STIM2: variants seen among roughly 807,000 people sequenced by gnomAD.
STIM2 encodes the protein stromal interaction molecule 2.
STIM2 carries 31 observed loss-of-function variants against 85.8 expected under a neutral mutation model. The ratio of observed to expected loss-of-function variants is 0.36; its 90% CI spans 0.27 to 0.49. STIM2 has a LOEUF of 0.49. Among genes scored for constraint, STIM2 ranks in the 20% least tolerant of loss-of-function variants. The pLI, the probability that STIM2 is intolerant of heterozygous loss-of-function variation, is 0.98. For missense variants in STIM2, 841 were observed against 927.6 expected, an observed-to-expected ratio of 0.91 and a Z score of 1.21; for synonymous variants, 356 against 331.1, an observed-to-expected ratio of 1.08 and a Z score of -0.82.
chr4:26,942,291 A>G (rs1725638589), intron 2 of STIM2, among the ~76,000 whole-genome samples: 2 of 152,112 alleles, frequency 1.3e-5, no homozygotes, highest in South Asian at 4.1e-4. Context: ...ACTCTAAGGC[A>G]GTCCTTTTGC....
intron 1 of STIM2, among the ~76,000 whole-genome samples, chr4:26,862,238 C>G (rs946102704): frequency 6.6e-6 from 1 of 151,134 alleles, no homozygotes; most frequent in Non-Finnish European, 1.5e-5. Flanking sequence ...TACAACTGAT[C>G]AGTTGTGGTT....
At chr4:26,871,721 T>TTTA (rs1722623297) in intron 1 of STIM2, among the ~76,000 whole-genome samples, 1 of 151,322 alleles carries the variant, frequency 6.6e-6, no homozygotes, top group African/African-American at 2.4e-5. Flanking sequence ...TTTTTTTTTT[T>TTTA]TGGTAGAGAC....
intron 3 of STIM2, among the ~76,000 whole-genome samples, chr4:26,987,683 G>C (rs1727630121): frequency 6.6e-6 from 1 of 152,180 alleles, no homozygotes; most frequent in Admixed American, 6.5e-5. Context: ...ATGAAGAACT[G>C]ACGTAGCTCC....
At chr4:26,932,457 G>A (rs1560211310) in intron 2 of STIM2, among the ~76,000 whole-genome samples, 1 of 152,068 alleles carries the variant, frequency 6.6e-6, no homozygotes, top group Admixed American at 6.5e-5. Flanking sequence ...CGTTAGTACT[G>A]ACACTAAACT....
chr4:27,012,540 A>G (rs1301492449), intron 10 of STIM2, among the ~76,000 whole-genome samples: 2 of 152,032 alleles, frequency 1.3e-5, no homozygotes, highest in Non-Finnish European at 2.9e-5. Flanking sequence ...CTTGTTGCTG[A>G]TGAGGAAATG....
At chr4:26,902,808 T>C (rs1246177235) in intron 1 of STIM2, among the ~76,000 whole-genome samples, 1 of 152,164 alleles carries the variant, frequency 6.6e-6, no homozygotes, top group Non-Finnish European at 1.5e-5. Context: ...TATTGCAGAG[T>C]TCCAGTCTAC....
chr4:26,890,279 T>A (rs1230312570), intron 1 of STIM2, among the ~76,000 whole-genome samples: 1 of 152,144 alleles, frequency 6.6e-6, no homozygotes, highest in Non-Finnish European at 1.5e-5. Flanking sequence ...GGGAATGTGG[T>A]AGGAATGGGG....
At chr4:26,985,985 G>T (rs1007451611) in intron 3 of STIM2, among the ~76,000 whole-genome samples, 2 of 152,108 alleles carry the variant, frequency 1.3e-5, no homozygotes, top group Non-Finnish European at 2.9e-5. Context: ...GGTGAATTCG[G>T]CTGTATCTTG....
chr4:26,965,502 G>T (rs1373561861), intron 3 of STIM2, among the ~76,000 whole-genome samples: 2 of 152,006 alleles, frequency 1.3e-5, no homozygotes, highest in Non-Finnish European at 2.9e-5. Flanking sequence ...ATCCAAATGA[G>T]TTCAGAGCAC....
At chr4:26,981,860 C>G (rs568482626) in intron 3 of STIM2, among the ~76,000 whole-genome samples, 4 of 152,174 alleles carry the variant, frequency 2.6e-5, no homozygotes, top group African/African-American at 7.2e-5. Flanking sequence ...CACTTGGTAT[C>G]ATTTGCCTTA....
chr4:26,861,102 C>T lies in STIM2; in HGVS notation c.-117C>T. On this transcript the variant is annotated 5_prime_UTR_variant, in exon 1 of 12. Transcript: ENST00000467087. ...GGTGGCGCCTCGCGGAGCCGGCGAG[C>T]TGCAGGCGGCCGGGGCGCCGCTGCG... 8.3e-7 allele frequency: 1 copy of T among 1,199,830 alleles called. No individual in the cohort carries two copies. Among genetic ancestry groups the T allele is most frequent in the African/African-American group, 1.6e-5 (1 of 62,404 alleles). 74.3% of individuals were successfully genotyped at this position (1,199,830 alleles called of 1,614,324 possible). A position where few individuals can be genotyped will look rare whatever the true frequency, so the allele number is the denominator to read the frequency against.
intron 1 of STIM2, chr4:26,861,638 G>C (rs889820479): frequency 5.8e-6 from 2 of 343,086 alleles, no homozygotes; most frequent in Non-Finnish European, 1.0e-5. Flanking sequence ...TGAGCAATGC[G>C]GTGGTTTCTC....
intron 2 of STIM2, among the ~76,000 whole-genome samples, chr4:26,927,689 A>AG (rs2109071040): frequency 7.9e-6 from 1 of 127,088 alleles, no homozygotes; most frequent in Admixed American, 7.8e-5. Context: ...ATAAAAAAAA[A>AG]AAAAAAAAAA....
chr4:26,973,573 T>C (rs563601808), intron 3 of STIM2, among the ~76,000 whole-genome samples: 2 of 152,260 alleles, frequency 1.3e-5, no homozygotes, highest in East Asian at 1.9e-4. Context: ...TAATCCTGAG[T>C]TCTAATTTGA....
chr4:26,885,871 A>ATATATATATATATATGTATG (rs1560194736), intron 1 of STIM2, among the ~76,000 whole-genome samples: 1 of 117,908 alleles, frequency 8.5e-6, no homozygotes, highest in Non-Finnish European at 1.8e-5. Context: ...ATATATATAT[A>ATATATATATATATATGTATG]TATGTATATG....
intron 2 of STIM2, among the ~76,000 whole-genome samples, chr4:26,949,965 A>G (rs1346757149): frequency 6.6e-6 from 1 of 152,214 alleles, no homozygotes; most frequent in Non-Finnish European, 1.5e-5. Context: ...ATATTTCTAA[A>G]TTGTATTTTA....
chr4:27,021,057 C>CAAAA, intron 11 of STIM2: 2 of 1,163,434 alleles, frequency 1.7e-6, no homozygotes. Flanking sequence ...GTAAAGCTCT[C>CAAAA]AAAAAAAAAA....
At chr4:26,973,833 T>TG (rs1216457780) in intron 3 of STIM2, among the ~76,000 whole-genome samples, 1 of 152,188 alleles carries the variant, frequency 6.6e-6, no homozygotes, top group East Asian at 1.9e-4. Context: ...ATATTGACAG[T>TG]GGGTTGTTAA....
intron 1 of STIM2, among the ~76,000 whole-genome samples, chr4:26,892,722 G>A (rs149242541): frequency 3.3e-5 from 5 of 152,142 alleles, no homozygotes; most frequent in African/African-American, 1.2e-4. Flanking sequence ...GTTGATCAAG[G>A]TCTCTGGATT....
Sources: allele counts gnomAD v4.1 joint callset (sites outside exome capture counted in the v4.1 genomes callset), GRCh38; gene constraint gnomAD v4.1.1; transcripts MANE v1.5; gene names NCBI Gene and HGNC (gene_info 2026-07-23, HGNC 2026-07-21).